Variants in SLC1A2 observed in about 807,000 individuals in gnomAD.
The protein encoded by SLC1A2 is solute carrier family 1 member 2, also known as excitatory amino acid transporter 2.
SLC1A2 carries 15 observed loss-of-function variants against 48.8 expected under a neutral mutation model. The observed-to-expected ratio is 0.31, with a 90% CI of 0.21 to 0.47. The LOEUF (loss-of-function observed/expected upper bound fraction) is 0.47. Ranked by LOEUF, SLC1A2 falls within the 20% of genes least tolerant of loss-of-function variation. The pLI is 0.99. For synonymous variants in SLC1A2, 279 were observed against 272.6 expected, an observed-to-expected ratio of 1.02 and a Z score of -0.23; for missense variants, 502 against 730.5, an observed-to-expected ratio of 0.69 and a Z score of 3.61.
In SLC1A2 at chr11:35,293,053, GT is replaced by G. The variant is rs201425632; in HGVS notation, c.858-534del. Among the ~76,000 whole-genome samples, 1,409 of 152,196 alleles carry G rather than the reference GT, an allele frequency of 9.3e-3. 24 individuals are homozygous for G. Among genetic ancestry groups the G allele is most frequent in the African/African-American group, 0.032 (1,336 of 41,518 alleles). ...CAAAATGTACATTTAGAGAAAAGTG[GT>G]TTTATGACTTCTAAGTCTGAAAGTC... On this transcript the variant is annotated intron_variant, in intron 6 of 10. Coordinates refer to ENST00000278379, the MANE Select transcript of SLC1A2 (RefSeq NM_004171.4).
At chr11:35,397,583 A>G (rs151110345) in intron 1 of SLC1A2, among the ~76,000 whole-genome samples, 2,776 of 152,288 alleles carry the variant, frequency 0.018, 34 homozygotes, top group African/African-American at 0.027. Flanking sequence ...ACCCTAGAAG[A>G]AAACCTAGGC....
chr11:35,389,019 G>A (rs1410530590), intron 1 of SLC1A2, among the ~76,000 whole-genome samples: 1 of 152,124 alleles, frequency 6.6e-6, no homozygotes, highest in African/African-American at 2.4e-5. Flanking sequence ...GGGTACACTA[G>A]AAGTCCAGTC....
At chr11:35,377,182 A>G (rs1242979878) in intron 1 of SLC1A2, among the ~76,000 whole-genome samples, 1 of 152,206 alleles carries the variant, frequency 6.6e-6, no homozygotes, top group African/African-American at 2.4e-5. Context: ...CCCATCTCAC[A>G]GATCAGGAAA....
chr11:35,347,625 A>G (rs1242872632), intron 1 of SLC1A2, among the ~76,000 whole-genome samples: 1 of 152,230 alleles, frequency 6.6e-6, no homozygotes, highest in Non-Finnish European at 1.5e-5. Flanking sequence ...TGCTTTCAAT[A>G]GTTTGCATTC....
intron 1 of SLC1A2, among the ~76,000 whole-genome samples, chr11:35,393,457 C>A (rs1854845738): frequency 6.6e-6 from 1 of 152,166 alleles, no homozygotes; most frequent in South Asian, 2.1e-4. Flanking sequence ...GGAGGCTCTT[C>A]CCCGGTCATT....
At chr11:35,279,142 G>A (rs1850539688) in intron 9 of SLC1A2, among the ~76,000 whole-genome samples, 1 of 152,242 alleles carries the variant, frequency 6.6e-6, no homozygotes, top group African/African-American at 2.4e-5. Context: ...GGGACTCTGG[G>A]CCAGCACTTG....
Position 35,312,420 on chromosome 11 carries a change from A to G in SLC1A2, c.339T>C (p.Ser113=). 1 of 1,614,200 alleles carries G rather than the reference A, an allele frequency of 6.2e-7. No individual in the cohort carries two copies. Among genetic ancestry groups the G allele is most frequent in the Non-Finnish European group, 8.5e-7 (1 of 1,180,010 alleles). The change falls in exon 4 of 11, where the codon AGT becomes AGC. Residue 113 remains serine (S), a synonymous_variant. Transcript: ENST00000278379. The stretch of plus-strand genomic sequence containing the variant: ...CCATGGCTCTCGTGCCCAAGCGGCC[A>G]CTAGCCTTAGCATCCAGGCCTGACA... The part of the protein sequence containing the change: ...TGLSGLDAKA[S]GRLGTRAMVY...
At position 35,251,650 on chromosome 11, in the gene SLC1A2, G is replaced by A. The variant is rs955023734; in HGVS notation, c.*9244C>T. 1 of 152,516 alleles carries A rather than the reference G, an allele frequency of 6.6e-6. No individual in the cohort carries two copies. Among genetic ancestry groups the A allele is most frequent in the African/African-American group, 2.4e-5 (1 of 41,442 alleles). The allele number at this position is 152,516 out of a possible 1,614,324, so 9.4% of individuals were successfully genotyped here. A position where few individuals can be genotyped will look rare whatever the true frequency, so the allele number is the denominator to read the frequency against. On this transcript the variant is annotated 3_prime_UTR_variant, in exon 11 of 11. Coordinates refer to ENST00000278379, the MANE Select transcript of SLC1A2 (RefSeq NM_004171.4). ...ATAAAGCCCAGTTTTATTTCAGGAA[G>A]TATTCCATCCTAAATTTGAAAGGAG...
chr11:35,350,018 G>A (rs1191024365), intron 1 of SLC1A2, among the ~76,000 whole-genome samples: 1 of 152,084 alleles, frequency 6.6e-6, no homozygotes, highest in African/African-American at 2.4e-5. Context: ...GTTTCTTCAT[G>A]TCTCTGAGCC....
chr11:35,364,548 C>T (rs1290415282), intron 1 of SLC1A2, among the ~76,000 whole-genome samples: 1 of 152,184 alleles, frequency 6.6e-6, no homozygotes, highest in East Asian at 1.9e-4. Flanking sequence ...ATGCCAAGCA[C>T]TAAACAATCC....
chr11:35,296,942 C>T (rs1172873564), intron 6 of SLC1A2, among the ~76,000 whole-genome samples: 1 of 152,132 alleles, frequency 6.6e-6, no homozygotes, highest in African/African-American at 2.4e-5. Context: ...AATGTAAGCT[C>T]CACAAGGGCC....
At chr11:35,265,818 G>A in intron 9 of SLC1A2, 60 bp from the exon 10 acceptor site, 1 of 1,063,020 alleles carries the variant, frequency 9.4e-7, no homozygotes, top group Non-Finnish European at 1.4e-6. Context: ...TAGTTGAGAG[G>A]TCAAGGTCTG....
chr11:35,355,671 G>C (rs1352375437), intron 1 of SLC1A2, among the ~76,000 whole-genome samples: 3 of 152,120 alleles, frequency 2.0e-5, no homozygotes, highest in African/African-American at 7.2e-5. Context: ...GATCACTTGA[G>C]GTCAGGAGTT....
rs994298160 is a variant in SLC1A2, at chr11:35,253,638, C to T, written c.*7256G>A. The T allele has an allele frequency of 2.0e-5, 3 of 152,568 alleles. No homozygotes were observed. Among genetic ancestry groups the T allele is most frequent in the African/African-American group, 4.8e-5 (2 of 41,426 alleles). The allele number at this position is 152,568 out of a possible 1,614,324, so 9.5% of individuals were successfully genotyped here. ...CACCAGCTAAGGGATTTAAGCAATT[C>T]CTTGTTCTTAATGGTTCATTTTGTT... On this transcript the variant is annotated 3_prime_UTR_variant, in exon 11 of 11. Coordinates refer to ENST00000278379, the MANE Select transcript of SLC1A2 (RefSeq NM_004171.4).
chr11:35,372,718 G>A (rs944243780), intron 1 of SLC1A2, among the ~76,000 whole-genome samples: 1 of 152,120 alleles, frequency 6.6e-6, no homozygotes, highest in Non-Finnish European at 1.5e-5. Context: ...ATAATAAATT[G>A]TAATCAATAA....
intron 1 of SLC1A2, chr11:35,322,764 C>T: frequency 1.3e-6 from 1 of 793,400 alleles, no homozygotes; most frequent in Non-Finnish European, 2.1e-6. Context: ...GCTGGAAATA[C>T]CTGTTGCATC....
At chr11:35,335,627 A>G (rs1468739598) in intron 1 of SLC1A2, among the ~76,000 whole-genome samples, 3 of 152,184 alleles carry the variant, frequency 2.0e-5, no homozygotes, top group Admixed American at 6.5e-5. Flanking sequence ...ACAGTCTATC[A>G]TGAGTTACTA....
chr11:35,285,075 T>TGCCTTA (rs1427272737), intron 8 of SLC1A2, among the ~76,000 whole-genome samples: 1 of 152,226 alleles, frequency 6.6e-6, no homozygotes, highest in Non-Finnish European at 1.5e-5. Flanking sequence ...AAGAGGCTAG[T>TGCCTTA]GCCTTAGCCT....
At chr11:35,351,328 A>C (rs547378656) in intron 1 of SLC1A2, among the ~76,000 whole-genome samples, 1 of 152,342 alleles carries the variant, frequency 6.6e-6, no homozygotes, top group South Asian at 2.1e-4. Flanking sequence ...TCTGCCTCCC[A>C]AAATGACCAG....
Sources: gnomAD v4.1 joint callset for allele counts (sites outside exome capture counted in the v4.1 genomes callset) on GRCh38, gnomAD v4.1.1 for gene constraint, MANE v1.5 for transcripts, NCBI Gene and HGNC (gene_info 2026-07-23, HGNC 2026-07-21) for gene names.